The following ABCA12 variants were observed in gnomAD, a reference collection of about 807,000 sequenced individuals.
The protein encoded by ABCA12 is ATP binding cassette subfamily A member 12.
A neutral mutation model predicts 293.5 loss-of-function variants in ABCA12; 156 were observed. The ratio of observed to expected loss-of-function variants is 0.53; its 90% confidence interval spans 0.47 to 0.61. The LOEUF (loss-of-function observed/expected upper bound fraction) is 0.61. Ranked by LOEUF, ABCA12 falls within the 20% of genes least tolerant of loss-of-function variation. The pLI is 0.00. For synonymous variants in ABCA12, 1,063 were observed against 1,108.0 expected, an observed-to-expected ratio of 0.96 and a Z score of 0.81; for missense variants, 2,797 against 3,090.2, an observed-to-expected ratio of 0.91 and a Z score of 2.25.
chr2:214,957,711 C>A (rs565579080), intron 41 of ABCA12, among the ~76,000 whole-genome samples: 1 of 152,280 alleles, frequency 6.6e-6, no homozygotes, highest in Admixed American at 6.5e-5. Context: ...GAGTCCAGAA[C>A]AACCATCTGA....
intron 47 of ABCA12, 25 bp from the exon 48 acceptor site, chr2:214,947,581 G>A: frequency 6.2e-7 from 1 of 1,613,010 alleles, no homozygotes. Context: ...AGGGGAGTTA[G>A]GTTGACCTTC....
chr2:214,977,760 T>C (rs148976696), intron 33 of ABCA12, among the ~76,000 whole-genome samples: 1 of 152,178 alleles, frequency 6.6e-6, no homozygotes, highest in Non-Finnish European at 1.5e-5. Flanking sequence ...AAGTCCAAAT[T>C]AATTAACTCA....
intron 7 of ABCA12, chr2:215,044,464 G>C (rs972355099): frequency 6.6e-6 from 1 of 152,120 alleles, no homozygotes; most frequent in African/African-American, 2.4e-5. Flanking sequence ...TCACCTGTTT[G>C]CTTCCTAAGA....
chr2:215,079,734 T>A (rs745744294), intron 2 of ABCA12, among the ~76,000 whole-genome samples: 2 of 152,158 alleles, frequency 1.3e-5, no homozygotes, highest in Admixed American at 1.3e-4. Flanking sequence ...TTCCTTTTGG[T>A]GAGGTTGTAC....
At chr2:214,967,085 A>G in intron 38 of ABCA12, 132 bp from the exon 39 acceptor site, 1 of 819,762 alleles carries the variant, frequency 1.2e-6, no homozygotes, top group South Asian at 1.5e-5. Flanking sequence ...TTATCTTGGA[A>G]GATTATGCAC....
chr2:215,038,707 C>T (rs890603904), intron 7 of ABCA12, among the ~76,000 whole-genome samples: 2 of 152,202 alleles, frequency 1.3e-5, no homozygotes, highest in Non-Finnish European at 2.9e-5. Flanking sequence ...TCAAGCCTGA[C>T]CCTCTGCCTA....
At chr2:215,018,202 C>T (rs1034054904) in intron 13 of ABCA12, 70 bp from the exon 14 acceptor site, 205 of 1,561,314 alleles carry the variant, frequency 1.3e-4, no homozygotes, top group Non-Finnish European at 1.7e-4. Flanking sequence ...GTATGACTAA[C>T]ATAGAGAAAC....
intron 6 of ABCA12, 68 bp downstream of exon 6, chr2:215,049,558 T>A: frequency 6.7e-7 from 1 of 1,487,814 alleles, no homozygotes; most frequent in Non-Finnish European, 9.4e-7. Context: ...TTTCCCAGTC[T>A]ACACGGGCTA....
intron 3 of ABCA12, among the ~76,000 whole-genome samples, chr2:215,063,766 T>A (rs1052187511): frequency 6.6e-6 from 1 of 151,978 alleles, no homozygotes; most frequent in Non-Finnish European, 1.5e-5. Context: ...TCTCAGGCAA[T>A]GTGTCACTGA....
chr2:215,057,224 A>G (rs1158340781), intron 3 of ABCA12, among the ~76,000 whole-genome samples: 2 of 151,980 alleles, frequency 1.3e-5, no homozygotes, highest in East Asian at 1.9e-4. Flanking sequence ...CATCTCCCTC[A>G]CCAGCAAATT....
chr2:215,135,841 T>A (rs1288211244), intron 1 of ABCA12, among the ~76,000 whole-genome samples: 1 of 152,144 alleles, frequency 6.6e-6, no homozygotes, highest in Non-Finnish European at 1.5e-5. Context: ...CGCACATATA[T>A]CCTTCCCACA....
At chr2:215,070,552 A>T (rs1177192231) in intron 2 of ABCA12, among the ~76,000 whole-genome samples, 2 of 97,520 alleles carry the variant, frequency 2.1e-5, no homozygotes, top group Non-Finnish European at 3.8e-5. Context: ...ACCCCACAAC[A>T]GTCCCCAGAG....
intron 37 of ABCA12, among the ~76,000 whole-genome samples, chr2:214,969,298 G>A (rs1263696616): frequency 1.3e-5 from 2 of 151,884 alleles, no homozygotes; most frequent in African/African-American, 4.8e-5. Context: ...GTTGGGTCTT[G>A]TCAATTCATG....
At chr2:214,984,773 T>C (rs1699751334) in intron 28 of ABCA12, among the ~76,000 whole-genome samples, 1 of 152,116 alleles carries the variant, frequency 6.6e-6, no homozygotes, top group Admixed American at 6.5e-5. Context: ...ATCTCACCGT[T>C]TTCACAGCTA....
rs531940914 is a variant in ABCA12, at chr2:214,937,119, C to T, written c.7542+391G>A. 2.6e-5 allele frequency among the ~76,000 whole-genome samples: 4 copies of T among 152,238 alleles called. No homozygotes were observed. In the South Asian group the frequency reaches 8.3e-4, roughly 32 times the overall value. ...TAGTCAACTTGGAAATCACAAATGTCGCTATGACATTACCATCAAAACTAG... is the reference window on the plus strand; with the variant it reads ...TAGTCAACTTGGAAATCACAAATGTTGCTATGACATTACCATCAAAACTAG... On this transcript the variant is annotated intron_variant, in intron 51 of 52. Transcript: ENST00000272895.
chr2:215,044,262 C>T (rs1399418560), intron 7 of ABCA12, among the ~76,000 whole-genome samples: 1 of 152,040 alleles, frequency 6.6e-6, no homozygotes, highest in Non-Finnish European at 1.5e-5. Context: ...GTGTTGTTTC[C>T]CATGCTAACT....
At chr2:215,069,565 G>C (rs963325268) in intron 2 of ABCA12, among the ~76,000 whole-genome samples, 2 of 152,032 alleles carry the variant, frequency 1.3e-5, no homozygotes, top group African/African-American at 4.8e-5. Context: ...TATAAACTTG[G>C]CCTTTCAAAG....
chr2:214,992,178 C>G (rs1699925293), intron 23 of ABCA12, among the ~76,000 whole-genome samples: 1 of 151,976 alleles, frequency 6.6e-6, no homozygotes, highest in African/African-American at 2.4e-5. Context: ...CACGGTGGCT[C>G]ACGCCTGTAA....
chr2:214,957,621 C>G (rs1201191734), intron 41 of ABCA12, among the ~76,000 whole-genome samples: 1 of 152,192 alleles, frequency 6.6e-6, no homozygotes, highest in Non-Finnish European at 1.5e-5. Context: ...ATGATCTTGA[C>G]AGCAACTCAG....
Sources: allele counts gnomAD v4.1 joint callset (sites outside exome capture counted in the v4.1 genomes callset), GRCh38; gene constraint gnomAD v4.1.1; transcripts MANE v1.5; gene names NCBI Gene and HGNC (gene_info 2026-07-23, HGNC 2026-07-21).